The following KANK1 variants were observed in gnomAD, a reference collection of about 807,000 sequenced individuals.
The protein encoded by KANK1 is KN motif and ankyrin repeat domain-containing protein 1.
A neutral mutation model predicts 106.2 loss-of-function variants in KANK1; 109 were observed. That is an observed-to-expected ratio of 1.03 (90% CI 0.88 to 1.20). KANK1 has a LOEUF of 1.20. Among genes scored for constraint, KANK1 ranks in the 50% most tolerant of loss-of-function variants. The probability of loss-of-function intolerance (pLI) is 0.00; values close to 1 mark genes in which losing one functional copy is unlikely to be tolerated. For missense variants in KANK1, 2,399 were observed against 1,710.7 expected, an observed-to-expected ratio of 1.40 and a Z score of -7.10; for synonymous variants, 873 against 652.2, an observed-to-expected ratio of 1.34 and a Z score of -5.16.
At chr9:499,465 G>T (rs1443230291) in intron 3 of KANK1, among the ~76,000 whole-genome samples, 1 of 152,174 alleles carries the variant, frequency 6.6e-6, no homozygotes, top group African/African-American at 2.4e-5. Context: ...TGGCATCCCT[G>T]GGCCCAATTC....
intron 3 of KANK1, among the ~76,000 whole-genome samples, chr9:497,966 C>T (rs1264288289): frequency 1.3e-5 from 2 of 152,166 alleles, no homozygotes; most frequent in Admixed American, 6.5e-5. Flanking sequence ...GGGGATCTCT[C>T]GCTGGGGTGT....
intron 1 of KANK1, among the ~76,000 whole-genome samples, chr9:597,402 T>A (rs1826485268): frequency 6.6e-6 from 1 of 151,918 alleles, no homozygotes; most frequent in Non-Finnish European, 1.5e-5. Context: ...ATTATAGTCG[T>A]CCTTGTGGGT....
In KANK1 at chr9:711,477, C is replaced by G. The variant is rs1309743349; in HGVS notation, c.711C>G (p.Ser237Arg). 1 of 1,614,024 alleles carries G rather than the reference C, an allele frequency of 6.2e-7. No homozygotes were observed. Among genetic ancestry groups the G allele is most frequent in the African/African-American group, 1.3e-5 (1 of 74,918 alleles). The change falls in exon 3 of 12, where the codon AGC (serine) becomes AGG (arginine). Residue 237 changes from serine (S) to arginine (R), a missense_variant. Physicochemically the swap from Ser to Arg is moderately radical, Grantham distance 110. Coordinates refer to ENST00000382297, the MANE Select transcript of KANK1 (RefSeq NM_015158.5). ...PAAPTTSSMG[S>R]SIRHSPLSSG... ...CTCCCACCACTTCCTCCATGGGGAG[C>G]TCCATCCGCCACAGCCCCCTGAGCT...
intron 1 of KANK1, among the ~76,000 whole-genome samples, chr9:616,171 A>T: frequency 6.6e-6 from 1 of 152,186 alleles, no homozygotes. Flanking sequence ...GGTTTAGGTA[A>T]ACTTAGGAAC....
At chr9:528,507 A>C (rs537188599) in intron 1 of KANK1, among the ~76,000 whole-genome samples, 1 of 101,668 alleles carries the variant, frequency 9.8e-6, no homozygotes, top group South Asian at 3.4e-4. Context: ...TTTGAGACGG[A>C]GTCTCACTCT....
rs181839749 is a variant in KANK1, at chr9:696,108, C to T, written c.38-14696C>T. Reference sequence around the variant, plus strand: ...GACCATCCTGGCTAACATGGTGAAACGCCGTCTCTACTAAAAATACAAAAA... The same window carrying T: ...GACCATCCTGGCTAACATGGTGAAATGCCGTCTCTACTAAAAATACAAAAA... On this transcript the variant is annotated intron_variant, in intron 2 of 11. Coordinates refer to ENST00000382297, the MANE Select transcript of KANK1 (RefSeq NM_015158.5). Among the ~76,000 whole-genome samples the T allele has an allele frequency of 5.5e-4, 84 of 152,226 alleles. No homozygotes were observed. The East Asian group carries it at 0.013, about 24-fold the overall frequency.
At chr9:625,957 A>G (rs550801126) in intron 1 of KANK1, among the ~76,000 whole-genome samples, 24 of 151,316 alleles carry the variant, frequency 1.6e-4, no homozygotes, top group African/African-American at 5.8e-4. Context: ...CACTTCAGAA[A>G]CTCCCCTGCA....
At chr9:500,530 G>A (rs567437888), upstream of KANK1, among the ~76,000 whole-genome samples, 2 of 152,290 alleles carry the variant, frequency 1.3e-5, no homozygotes, top group Middle Eastern at 6.8e-3. Context: ...ATGAAAATGA[G>A]CCCCATGTTA....
chr9:706,307 C>G (rs992370677), intron 2 of KANK1, among the ~76,000 whole-genome samples: 7 of 152,116 alleles, frequency 4.6e-5, no homozygotes, highest in Admixed American at 1.3e-4. Flanking sequence ...GGTAATACAA[C>G]GTGATACATG....
intron 1 of KANK1, among the ~76,000 whole-genome samples, chr9:629,508 T>A (rs1328175516): frequency 6.6e-6 from 1 of 152,198 alleles, no homozygotes; most frequent in Non-Finnish European, 1.5e-5. Context: ...GGAAAGGCAA[T>A]GACATTTTAT....
chr9:507,746 C>G (rs552381150), intron 1 of KANK1, among the ~76,000 whole-genome samples: 56 of 152,022 alleles, frequency 3.7e-4, no homozygotes, highest in Non-Finnish European at 6.8e-4. Flanking sequence ...TTAGTAGAGA[C>G]AGGGTTTCAC....
At chr9:524,268 C>G (rs1264637862) in intron 1 of KANK1, among the ~76,000 whole-genome samples, 2 of 151,550 alleles carry the variant, frequency 1.3e-5, no homozygotes, top group Admixed American at 1.3e-4. Context: ...TTTTCCCCAG[C>G]CTTTACTTGA....
At position 711,585 on chromosome 9, in the gene KANK1, C is replaced by T. The variant is rs372115346; in HGVS notation, c.819C>T (p.Arg273=). 4.8e-5 allele frequency: 78 copies of T among 1,614,110 alleles called. No individual in the cohort carries two copies. In the East Asian group the frequency reaches 1.0e-3, roughly 22 times the overall value. The change falls in exon 3 of 12, where the codon CGC becomes CGT. Residue 273 remains arginine, a synonymous_variant. Coordinates refer to ENST00000382297, the MANE Select transcript of KANK1 (RefSeq NM_015158.5). The part of the protein sequence containing the change: ...IREQMAIALK[R]LKELEEQVRT... Reference sequence around the variant, plus strand: ...AGCAGATGGCCATTGCTCTGAAACGCCTGAAGGAGCTGGAGGAGCAGGTGC... The same window carrying T: ...AGCAGATGGCCATTGCTCTGAAACGTCTGAAGGAGCTGGAGGAGCAGGTGC...
At chr9:549,507 C>G (rs983297567) in intron 1 of KANK1, 9 of 152,352 alleles carry the variant, frequency 5.9e-5, no homozygotes, top group African/African-American at 1.9e-4. Context: ...TTCCTTCCTT[C>G]AAAATAAAAA....
chr9:741,772 C>T (rs1835629997), intron 9 of KANK1, among the ~76,000 whole-genome samples: 1 of 152,072 alleles, frequency 6.6e-6, no homozygotes, highest in African/African-American at 2.4e-5. Flanking sequence ...CAGGCGTGAG[C>T]TACTGCGCCA....
At chr9:715,243 G>A (rs188012903) in intron 3 of KANK1, among the ~76,000 whole-genome samples, 214 of 152,166 alleles carry the variant, frequency 1.4e-3, no homozygotes, top group African/African-American at 4.9e-3. Context: ...AGAATAAACA[G>A]GATTAAAAAT....
chr9:661,065 C>G (rs1387459955), intron 1 of KANK1, among the ~76,000 whole-genome samples: 1 of 134,354 alleles, frequency 7.4e-6, no homozygotes, highest in Non-Finnish European at 1.6e-5. Flanking sequence ...GGAAAGTAAC[C>G]AACTGGTTTT....
chr9:491,052 T>G (rs1267349647), intron 3 of KANK1, among the ~76,000 whole-genome samples: 4 of 150,390 alleles, frequency 2.7e-5, no homozygotes, highest in Admixed American at 1.3e-4. Flanking sequence ...CTCAAACTCT[T>G]GGGTTCAAGG....
At chr9:472,593 A>T (rs1002523179) in intron 2 of KANK1, among the ~76,000 whole-genome samples, 14 of 152,160 alleles carry the variant, frequency 9.2e-5, no homozygotes, top group Non-Finnish European at 1.9e-4. Flanking sequence ...GATACTGTAC[A>T]AGTTCTAGCC....
Sources: gnomAD v4.1 joint callset for allele counts (sites outside exome capture counted in the v4.1 genomes callset) on GRCh38, gnomAD v4.1.1 for gene constraint, MANE v1.5 for transcripts, NCBI Gene and HGNC (gene_info 2026-07-23, HGNC 2026-07-21) for gene names.